WASF3: variants seen among roughly 807,000 people sequenced by gnomAD.
The protein encoded by WASF3 is actin-binding protein WASF3.
WASF3 carries 11 observed loss-of-function variants against 46.6 expected under a neutral mutation model. That is an observed-to-expected ratio of 0.24 (90% CI 0.15 to 0.39). The LOEUF is 0.39. Ranked by LOEUF, WASF3 falls within the 10% of genes least tolerant of loss-of-function variation. The pLI is 1.00. For missense variants in WASF3, 576 were observed against 669.8 expected (o/e 0.86, Z 1.55); for synonymous variants, 242 against 259.7 (o/e 0.93, Z 0.65).
At chr13:26,626,939 C>T (rs1221554248) in intron 2 of WASF3, among the ~76,000 whole-genome samples, 1 of 152,166 alleles carries the variant, frequency 6.6e-6, no homozygotes, top group Non-Finnish European at 1.5e-5. Context: ...CAACTCCTCT[C>T]TGAGGACAGT....
At position 26,561,636 on chromosome 13, in the gene WASF3, C is replaced by A. The variant is rs566299943; in HGVS notation, c.-109+3817C>A. ...GTTTCCCAAACTATCAGCTAAGGTG[C>A]TACAGCAAACAGGGAGACTGGGGGA... is the stretch of plus-strand genomic sequence containing the variant. On this transcript the variant is annotated intron_variant, in intron 1 of 9. Transcript: ENST00000335327. Among the ~76,000 whole-genome samples, 5 of 152,296 alleles carry A rather than the reference C, an allele frequency of 3.3e-5. No homozygotes were observed. The East Asian group carries it at 9.6e-4, about 29-fold the overall frequency.
intron 3 of WASF3, among the ~76,000 whole-genome samples, chr13:26,651,991 GAAAGGAAGAAC>G (rs1045341060): frequency 3.3e-5 from 5 of 152,114 alleles, no homozygotes; most frequent in African/African-American, 1.2e-4. Flanking sequence ...CAGAAGGCAA[GAAAGGAAGAAC>G]AAAGGAAGAA....
At chr13:26,545,009 A>G in the WASF3 span, among the ~76,000 whole-genome samples, 3 of 152,240 alleles carry the variant, frequency 2.0e-5, no homozygotes, top group African/African-American at 7.2e-5. Context: ...AGCCAGCTAA[A>G]AAGAGTCGTG....
intron 1 of WASF3, among the ~76,000 whole-genome samples, chr13:26,604,031 A>G (rs813222): frequency 0.78 from 118,848 of 152,074 alleles, 46,799 homozygotes; most frequent in East Asian, 0.9. Flanking sequence ...TCCTGCAGCC[A>G]TAGTGAAGAA....
chr13:26,562,057 A>G (rs1195146707), intron 1 of WASF3, among the ~76,000 whole-genome samples: 3 of 152,208 alleles, frequency 2.0e-5, no homozygotes, highest in East Asian at 1.9e-4. Context: ...TCTTTGCTCA[A>G]TAAGCATTTG....
At chr13:26,560,442 T>C (rs746724853) in intron 1 of WASF3, among the ~76,000 whole-genome samples, 1 of 152,204 alleles carries the variant, frequency 6.6e-6, no homozygotes, top group Non-Finnish European at 1.5e-5. Context: ...AACCATAATA[T>C]AGGGTGTATC....
rs144713228 is a variant in WASF3, at chr13:26,611,478, A to G, written c.-108-1483A>G. The stretch of plus-strand genomic sequence containing the variant: ...TCTTAAACATAAATGGTCATCCAGA[A>G]AATACATAGGATGTTGGACATTTTC... On this transcript the variant is annotated intron_variant, in intron 1 of 9. Coordinates refer to ENST00000335327, the MANE Select transcript of WASF3 (RefSeq NM_006646.6). 8.0e-4 allele frequency among the ~76,000 whole-genome samples: 122 copies of G among 152,378 alleles called. 2 individuals carry two copies. Among genetic ancestry groups the G allele is most frequent in the South Asian group, 4.8e-3 (23 of 4,830 alleles).
the WASF3 span, among the ~76,000 whole-genome samples, chr13:26,550,064 G>A: frequency 0.24 from 35,988 of 152,086 alleles, 4,413 homozygotes; most frequent in East Asian, 0.29. Flanking sequence ...AGCAATAAAT[G>A]AAGACAATAA....
the WASF3 span, among the ~76,000 whole-genome samples, chr13:26,549,396 T>C: frequency 1.3e-5 from 2 of 152,212 alleles, no homozygotes; most frequent in Admixed American, 1.3e-4. Flanking sequence ...GTACTTAGCT[T>C]GGCTTCAACC....
rs759439935 is a variant in WASF3 at position 26,665,051 on chromosome 13, G to A, written c.157G>A (p.Gly53Ser). ...SLSKHAEDIFGELFNEANNFY... is the reference protein window; with the variant it reads ...SLSKHAEDIFSELFNEANNFY... Reference sequence around the variant, plus strand: ...AGGCAAACATGCTGAAGACATATTTGGTGAGTTGTTTAATGAGGCTAACAA... The same window carrying A: ...AGGCAAACATGCTGAAGACATATTTAGTGAGTTGTTTAATGAGGCTAACAA... Residue 53 changes from glycine to serine, a missense_variant, in exon 4 of 10, where the codon GGT becomes AGT. This residue lies in a region of WASF3 where 213 missense variants were observed against 278.0 expected (regional missense o/e 0.77). Coordinates refer to ENST00000335327, the MANE Select transcript of WASF3 (RefSeq NM_006646.6). The A allele has an allele frequency of 2.5e-6, 4 of 1,614,040 alleles. No individual in the cohort carries two copies. The highest frequency in any genetic ancestry group is 3.4e-6 in the Non-Finnish European group (4 of 1,179,968).
Position 26,645,058 on chromosome 13 carries a change from T to A in WASF3, c.133+2655T>A, listed in dbSNP as rs1285016605. Among the ~76,000 whole-genome samples the A allele has an allele frequency of 1.6e-4, 24 of 152,188 alleles. 1 individual carries two copies. The highest frequency in any genetic ancestry group is 1.6e-3 in the Admixed American group (24 of 15,282). On this transcript the variant is annotated intron_variant, in intron 3 of 9. Transcript: ENST00000335327. ...TGATATATACTGCCAAGGATATAATTTTGGAAAACGAAGATAACTGAGTGC... is the reference window on the plus strand; with the variant it reads ...TGATATATACTGCCAAGGATATAATATTGGAAAACGAAGATAACTGAGTGC...
chr13:26,637,088 C>G (rs1881849716), intron 2 of WASF3, among the ~76,000 whole-genome samples: 1 of 152,182 alleles, frequency 6.6e-6, no homozygotes, highest in African/African-American at 2.4e-5. Flanking sequence ...GACGGTGTTG[C>G]TCTCTTTCCT....
chr13:26,633,200 C>CTTTT lies in WASF3; in HGVS notation c.-10-9048_-10-9045dup, dbSNP rs58237286. On this transcript the variant is annotated intron_variant, in intron 2 of 9. Coordinates refer to ENST00000335327, the MANE Select transcript of WASF3 (RefSeq NM_006646.6). Reference sequence around the variant, plus strand: ...AGTTCTGTTTTGATCTTAGTTATTTCTTTTTTTTTTTTTTTTCTTGAGGCA... The same window carrying CTTTT: ...AGTTCTGTTTTGATCTTAGTTATTTCTTTTTTTTTTTTTTTTTTTTCTTGAGGCA... Among the ~76,000 whole-genome samples, 42 of 90,430 alleles carry CTTTT rather than the reference C, an allele frequency of 4.6e-4. 3 individuals carry two copies. The highest frequency in any genetic ancestry group is 1.1e-3 in the South Asian group (2 of 1,832). 59.3% of individuals were successfully genotyped at this position (90,430 alleles called of 152,430 possible).
chr13:26,642,233 T>C lies in WASF3; in HGVS notation c.-10-28T>C, dbSNP rs779602588. 10 of 1,498,874 alleles carry C rather than the reference T, an allele frequency of 6.7e-6. No individual in the cohort carries two copies. In the East Asian group the frequency reaches 2.2e-4, roughly 33 times the overall value. 92.8% of individuals were successfully genotyped at this position (1,498,874 alleles called of 1,614,324 possible). On this transcript the variant is annotated intron_variant, in intron 2 of 9. Coordinates refer to ENST00000335327, the MANE Select transcript of WASF3 (RefSeq NM_006646.6). ...GATTTGTTAAAATGTGAATATGAGCTTATAAAGAATGTGTTTTCAATTTTC... is the reference window on the plus strand; with the variant it reads ...GATTTGTTAAAATGTGAATATGAGCCTATAAAGAATGTGTTTTCAATTTTC...
chr13:26,659,400 C>T (rs189184935), intron 3 of WASF3, among the ~76,000 whole-genome samples: 146 of 152,264 alleles, frequency 9.6e-4, no homozygotes, highest in Middle Eastern at 3.4e-3. Context: ...CAAAGGTGAA[C>T]GGAGCTAGGT....
intron 1 of WASF3, among the ~76,000 whole-genome samples, chr13:26,587,526 A>T (rs1284795340): frequency 6.6e-6 from 1 of 152,204 alleles, no homozygotes; most frequent in Non-Finnish European, 1.5e-5. Context: ...TTTTTGAAGT[A>T]TGTAGCATGA....
At chr13:26,591,503 A>G (rs1455269592) in intron 1 of WASF3, among the ~76,000 whole-genome samples, 1 of 152,088 alleles carries the variant, frequency 6.6e-6, no homozygotes, top group Non-Finnish European at 1.5e-5. Context: ...GAGGGAAATT[A>G]AGGATGCCCA....
At chr13:26,666,714 A>G (rs543285647) in intron 4 of WASF3, among the ~76,000 whole-genome samples, 40 of 152,116 alleles carry the variant, frequency 2.6e-4, no homozygotes, top group African/African-American at 6.7e-4. Flanking sequence ...CCTGGCTAAC[A>G]TGGTGAAACC....
intron 1 of WASF3, among the ~76,000 whole-genome samples, chr13:26,559,707 T>A (rs1879216340): frequency 6.6e-6 from 1 of 152,138 alleles, no homozygotes. Context: ...TCCAAGGACT[T>A]TCTTTGAAGA....
Sources: allele counts gnomAD v4.1 joint callset (sites outside exome capture counted in the v4.1 genomes callset), GRCh38; gene constraint gnomAD v4.1.1; regional missense constraint gnomAD v4.1.1; transcripts MANE v1.5; gene names NCBI Gene and HGNC (gene_info 2026-07-23, HGNC 2026-07-21).